Variants in TTC31 observed in about 807,000 individuals in gnomAD.
TTC31 encodes the protein tetratricopeptide repeat protein 31.
TTC31 carries 59 observed loss-of-function variants against 60.4 expected under a neutral mutation model. The observed-to-expected ratio is 0.98, with a 90% confidence interval of 0.79 to 1.21. TTC31 has a LOEUF of 1.21. Among genes scored for constraint, TTC31 ranks in the 50% most tolerant of loss-of-function variants. The pLI is 0.00. For synonymous variants in TTC31, 225 were observed against 249.6 expected (o/e 0.90, Z 0.93); for missense variants, 672 against 646.9 (o/e 1.04, Z -0.42).
At chr2:74,484,317 G>GAC (rs1382422927) in intron 2 of TTC31, among the ~76,000 whole-genome samples, 5 of 152,110 alleles carry the variant, frequency 3.3e-5, no homozygotes, top group African/African-American at 1.2e-4. Context: ...AAAGTTGAGA[G>GAC]AACTTTACCA....
Position 74,491,132 on chromosome 2 carries a change from A to G in TTC31, c.551A>G (p.Gln184Arg), listed in dbSNP as rs747058318. The G allele has an allele frequency of 6.2e-7, 1 of 1,614,254 alleles. No homozygotes were observed. The highest frequency in any genetic ancestry group is 8.5e-7 in the Non-Finnish European group (1 of 1,180,048). The change falls in exon 6 of 13, where the codon CAA (glutamine) becomes CGA (arginine). Residue 184 changes from glutamine to arginine, a missense_variant. Coordinates refer to ENST00000233623, the MANE Select transcript of TTC31 (RefSeq NM_022492.6). The stretch of plus-strand genomic sequence containing the variant: ...TTGTTACCATTACTATTGCAGCGTC[A>G]AAAGGAACGGAAGCGACAGGAGCGT... ...AEKKRLKKKR[Q>R]KERKRQERLE...
rs771311752 is a variant in TTC31 at position 74,490,199 on chromosome 2, C to A, written c.233-45C>A. 6 of 1,610,618 alleles carry A rather than the reference C, an allele frequency of 3.7e-6. No individual in the cohort carries two copies. In the Admixed American group the frequency reaches 6.7e-5, roughly 18 times the overall value. On this transcript the variant is annotated intron_variant, in intron 3 of 12. Transcript: ENST00000233623. ...GGAGGGCTGACCCTCAGATGCACCC[C>A]GCTCTCATGTCCTTTCTTTCCTGTC...
rs775542180 is a variant in TTC31 at position 74,490,414 on chromosome 2, A to G, written c.403A>G (p.Ser135Gly). The part of the protein sequence containing the change: ...QSPSASATFP[S>G]VSDSLLQVAM... ...CCCCTCTGCCTCTGCCACCTTCCCC[A>G]GTGTCTCAGACAGCCTGCTTCAGGT... Residue 135 changes from serine (S) to glycine (G), a missense_variant, in exon 4 of 13, where the codon AGT (serine) becomes GGT (glycine). Transcript: ENST00000233623. The G allele has an allele frequency of 6.2e-7, 1 of 1,613,864 alleles. No homozygotes were observed. The highest frequency in any genetic ancestry group is 2.2e-5 in the East Asian group (1 of 44,856).
intron 2 of TTC31, among the ~76,000 whole-genome samples, chr2:74,489,815 GA>G (rs1216952762): frequency 6.6e-6 from 1 of 152,150 alleles, no homozygotes; most frequent in Non-Finnish European, 1.5e-5. Flanking sequence ...GGGAAGGCAG[GA>G]AAGCAGCGAG....
rs1277677527 is a variant in TTC31, at chr2:74,492,660, A to G, written c.1176A>G (p.Ala392=). 6.8e-6 allele frequency: 11 copies of G among 1,614,096 alleles called. No homozygotes were observed. Among genetic ancestry groups the G allele is most frequent in the Non-Finnish European group, 8.5e-6 (10 of 1,180,032 alleles). The change falls in exon 12 of 13, where the codon GCA becomes GCG. Residue 392 remains alanine, a synonymous_variant. Coordinates refer to ENST00000233623, the MANE Select transcript of TTC31 (RefSeq NM_022492.6). The stretch of plus-strand genomic sequence containing the variant: ...TGGGACCAAAGCGCTTCAGAGAGGC[A>G]GCTGCTGTGTTTCAGGAAACTCTGA... ...ALMGLQRFRE[A]AAVFQETLRG... is the part of the protein sequence containing the mutation.
In TTC31 at chr2:74,490,317, A is replaced by T; in HGVS notation, c.306A>T (p.Gly102=). Residue 102 remains glycine, a synonymous_variant, in exon 4 of 13, where the codon GGA becomes GGT. Coordinates refer to ENST00000233623, the MANE Select transcript of TTC31 (RefSeq NM_022492.6). ...GQSDRGKGAE[G]LGTYCGLRKS... ...GTGACAGGGGCAAGGGGGCTGAGGG[A>T]CTGGGCACCTACTGTGGTCTCCGCA... is the stretch of plus-strand genomic sequence containing the variant. The T allele has an allele frequency of 6.2e-7, 1 of 1,614,086 alleles. No individual in the cohort carries two copies. The highest frequency in any genetic ancestry group is 8.5e-7 in the Non-Finnish European group (1 of 1,179,988).
intron 2 of TTC31, among the ~76,000 whole-genome samples, chr2:74,484,343 A>G (rs1672833696): frequency 6.6e-6 from 1 of 152,258 alleles, no homozygotes; most frequent in African/African-American, 2.4e-5. Flanking sequence ...AGACCAGAGT[A>G]GAGAATCTGG....
At chr2:74,483,579 G>A (rs1187011660) in intron 2 of TTC31, 169 bp downstream of exon 2, 6 of 1,484,736 alleles carry the variant, frequency 4.0e-6, no homozygotes, top group Non-Finnish European at 5.4e-6. Context: ...TGAGGGGCAG[G>A]GGATCAGGAG....
chr2:74,483,575 G>T, intron 2 of TTC31, 165 bp downstream of exon 2: 1 of 1,493,120 alleles, frequency 6.7e-7, no homozygotes, highest in Non-Finnish European at 8.9e-7. Flanking sequence ...CAAGTGAGGG[G>T]CAGGGGATCA....
intron 2 of TTC31, among the ~76,000 whole-genome samples, chr2:74,489,683 G>A (rs940758532): frequency 2.0e-5 from 3 of 152,186 alleles, no homozygotes; most frequent in African/African-American, 4.8e-5. Context: ...ATGACAGGGG[G>A]CCTAGCTGGA....
In TTC31 at chr2:74,493,622, A is replaced by G; in HGVS notation, c.*404A>G. The G allele has an allele frequency of 6.0e-6, 1 of 167,192 alleles. No individual in the cohort carries two copies. The highest frequency in any genetic ancestry group is 1.3e-5 in the Non-Finnish European group (1 of 77,704). 10.4% of individuals were successfully genotyped at this position (167,192 alleles called of 1,614,324 possible). Reference sequence around the variant, plus strand: ...GGGGTCACAGTGCTGAGGGGGCTTGAGTCCCACCTTTCAGCTTGATGGATG... The same window carrying G: ...GGGGTCACAGTGCTGAGGGGGCTTGGGTCCCACCTTTCAGCTTGATGGATG... On this transcript the variant is annotated 3_prime_UTR_variant, in exon 13 of 13. Coordinates refer to ENST00000233623, the MANE Select transcript of TTC31 (RefSeq NM_022492.6).
Position 74,491,317 on chromosome 2 carries a change from A to T in TTC31, c.626A>T (p.Asp209Val), listed in dbSNP as rs146832919. The T allele has an allele frequency of 6.2e-5, 100 of 1,614,122 alleles. 1 individual carries two copies. The African/African-American group carries it at 1.2e-3, about 19-fold the overall frequency. The change falls in exon 7 of 13, where the codon GAT (aspartate) becomes GTT (valine). Residue 209 changes from aspartate to valine, a missense_variant. Coordinates refer to ENST00000233623, the MANE Select transcript of TTC31 (RefSeq NM_022492.6). ...CAGGCCAGCACTACCTCAGATGGAG[A>T]TGAGAGCCCCCCATCCAGCCCTGGA... The part of the protein sequence containing the change: ...EPKASTTSDG[D>V]ESPPSSPGNP...
Position 74,490,103 on chromosome 2 carries a change from G to T in TTC31, c.208G>T (p.Gly70Trp). 1 of 1,593,638 alleles carries T rather than the reference G, an allele frequency of 6.3e-7. No individual in the cohort carries two copies. Among genetic ancestry groups the T allele is most frequent in the South Asian group, 1.1e-5 (1 of 88,838 alleles). Reference protein sequence around the residue: ...LHRIHVDGSSGRLQLWHHDYL... With the variant: ...LHRIHVDGSSWRLQLWHHDYL... ...CCGGATCCATGTGGATGGGAGCAGC[G>T]GGCGGCTGCAGCTGTGGCACCATGG... Residue 70 changes from glycine to tryptophan, a missense_variant, in exon 3 of 13, where the codon GGG becomes TGG. Transcript: ENST00000233623.
Position 74,491,109 on chromosome 2 carries a change from G to A in TTC31, c.547-19G>A, listed in dbSNP as rs755309441. 1 of 1,614,140 alleles carries A rather than the reference G, an allele frequency of 6.2e-7. No individual in the cohort carries two copies. The highest frequency in any genetic ancestry group is 8.5e-7 in the Non-Finnish European group (1 of 1,179,990). ...CAGTAAGTGTTCAAAATACATCATTGTTACCATTACTATTGCAGCGTCAAA... is the reference window on the plus strand; with the variant it reads ...CAGTAAGTGTTCAAAATACATCATTATTACCATTACTATTGCAGCGTCAAA... On this transcript the variant is annotated intron_variant, in intron 5 of 12. Transcript: ENST00000233623.
Position 74,483,639 on chromosome 2 carries a change from A to G in TTC31, c.129+229A>G, listed in dbSNP as rs996504015. ...CGAAGTGGGTAGAATTGAGCAGACA[A>G]GGGTCTCTGAGTTGAGGATTAGGGA... On this transcript the variant is annotated intron_variant, in intron 2 of 12. Coordinates refer to ENST00000233623, the MANE Select transcript of TTC31 (RefSeq NM_022492.6). 3.6e-6 allele frequency: 5 copies of G among 1,376,770 alleles called. No individual in the cohort carries two copies. The African/African-American group carries it at 4.4e-5, about 12-fold the overall frequency. The allele number at this position is 1,376,770 out of a possible 1,614,324, so 85.3% of individuals were successfully genotyped here. A position where few individuals can be genotyped will look rare whatever the true frequency, so the allele number is the denominator to read the frequency against.
chr2:74,484,754 G>C (rs997629167), intron 2 of TTC31, among the ~76,000 whole-genome samples: 5 of 151,958 alleles, frequency 3.3e-5, no homozygotes, highest in African/African-American at 1.2e-4. Context: ...ACCATGCCCG[G>C]TAGACAGCAG....
Position 74,490,044 on chromosome 2 carries a change from G to A in TTC31, c.149G>A (p.Arg50Gln), listed in dbSNP as rs768286943. ...YGEEDIVDFL[R>Q]RLVESDPQGL... is the part of the protein sequence containing the mutation. The stretch of plus-strand genomic sequence containing the variant: ...TCCCAGGACATAGTGGATTTTCTTC[G>A]ACGGCTTGTGGAGAGTGATCCCCAG... Residue 50 changes from arginine to glutamine, a missense_variant, in exon 3 of 13, where the codon CGA (arginine) becomes CAA (glutamine). Transcript: ENST00000233623. The A allele has an allele frequency of 1.2e-4, 185 of 1,561,912 alleles. No homozygotes were observed. Among genetic ancestry groups the A allele is most frequent in the Non-Finnish European group, 1.5e-4 (177 of 1,151,734 alleles).
At chr2:74,484,098 G>A (rs779280186) in intron 2 of TTC31, among the ~76,000 whole-genome samples, 35 of 151,922 alleles carry the variant, frequency 2.3e-4, no homozygotes, top group Non-Finnish European at 4.4e-4. Context: ...CTAGCTGGGC[G>A]TGGTGGTGTG....
At chr2:74,485,596 G>A (rs1393461227) in intron 2 of TTC31, among the ~76,000 whole-genome samples, 1 of 150,006 alleles carries the variant, frequency 6.7e-6, no homozygotes, top group African/African-American at 2.5e-5. Flanking sequence ...TCAGCCTCCC[G>A]AGTAGCTGGG....
Sources: allele counts gnomAD v4.1 joint callset (sites outside exome capture counted in the v4.1 genomes callset), GRCh38; gene constraint gnomAD v4.1.1; transcripts MANE v1.5; gene names NCBI Gene and HGNC (gene_info 2026-07-23, HGNC 2026-07-21).